Variants in RP1 observed in about 807,000 individuals in gnomAD.
RP1 encodes the protein oxygen-regulated protein 1.
RP1 carries 16 observed loss-of-function variants against 14.8 expected under a neutral mutation model. That is an observed-to-expected ratio of 1.08 (90% CI 0.73 to 1.65). RP1 has a LOEUF of 1.65. Ranked by LOEUF, RP1 falls within the 40% of genes most tolerant of loss-of-function variation. The probability of loss-of-function intolerance (pLI) is 0.00; values close to 1 mark genes in which losing one functional copy is unlikely to be tolerated. For missense variants in RP1, 2,631 were observed against 2,535.0 expected (o/e 1.04, Z -0.81); for synonymous variants, 876 against 883.6 (o/e 0.99, Z 0.15).
chr8:54,805,782 C>G (rs1018600144), intron 24 of RP1, among the ~76,000 whole-genome samples: 1 of 151,768 alleles, frequency 6.6e-6, no homozygotes, highest in African/African-American at 2.4e-5. Flanking sequence ...TGGTGATCTC[C>G]AGGCTATTAG....
chr8:54,592,739 T>C (rs577761982), intron 1 of RP1, among the ~76,000 whole-genome samples: 1 of 152,272 alleles, frequency 6.6e-6, no homozygotes, highest in East Asian at 1.9e-4. Context: ...AGGACTCTTA[T>C]CTTCCTGCTT....
At chr8:54,624,341 A>T (rs1215624039) in intron 3 of RP1, among the ~76,000 whole-genome samples, 2 of 145,816 alleles carry the variant, frequency 1.4e-5, no homozygotes, top group Admixed American at 7.0e-5. Flanking sequence ...GCTATTCGGG[A>T]TGCTGAAGCA....
chr8:54,623,873 G>T (rs948272293), intron 3 of RP1, among the ~76,000 whole-genome samples: 1 of 152,176 alleles, frequency 6.6e-6, no homozygotes, highest in African/African-American at 2.4e-5. Flanking sequence ...ATTGTTGGCT[G>T]CCTTGTTTGA....
At chr8:54,723,547 T>C (rs995692780) in intron 16 of RP1, among the ~76,000 whole-genome samples, 8 of 152,340 alleles carry the variant, frequency 5.3e-5, no homozygotes, top group Middle Eastern at 3.4e-3. Context: ...GAATTTATAT[T>C]CGCAGTGTAT....
intron 3 of RP1, among the ~76,000 whole-genome samples, chr8:54,644,602 GT>G (rs893884273): frequency 7.2e-5 from 11 of 152,120 alleles, no homozygotes; most frequent in African/African-American, 2.7e-4. Flanking sequence ...GCAAGAGGTT[GT>G]TCAGGCACAC....
intron 28 of RP1, among the ~76,000 whole-genome samples, chr8:54,868,213 A>G (rs1489515634): frequency 6.6e-6 from 1 of 152,208 alleles, no homozygotes; most frequent in Non-Finnish European, 1.5e-5. Flanking sequence ...AAAGTGACTT[A>G]TTTCTACATT....
At chr8:54,803,538 T>C (rs909889858) in intron 24 of RP1, among the ~76,000 whole-genome samples, 4 of 152,166 alleles carry the variant, frequency 2.6e-5, no homozygotes, top group Non-Finnish European at 5.9e-5. Flanking sequence ...ATCCTCCAGA[T>C]GCTATTCAGG....
rs1285725778 is a variant in RP1, at chr8:54,630,086, T to A, written c.6204T>A (p.Asn2068Lys). Reference sequence around the variant, plus strand: ...AAATCTTTAAAGCAGTCGATGAGAATAACAACTTATTAAATAACAGATTCC... The same window carrying A: ...AAATCTTTAAAGCAGTCGATGAGAAAAACAACTTATTAAATAACAGATTCC... ...TNEIFKAVDE[N>K]NNLLNNRFQG... The change falls in exon 4 of 4, where the codon AAT (asparagine) becomes AAA (lysine). Residue 2068 changes from asparagine to lysine, a missense_variant. Coordinates refer to ENST00000220676, the MANE Select transcript of RP1 (RefSeq NM_006269.2). 6.2e-7 allele frequency: 1 copy of A among 1,613,964 alleles called. No individual in the cohort carries two copies. The highest frequency in any genetic ancestry group is 1.1e-5 in the South Asian group (1 of 91,072).
intron 25 of RP1, among the ~76,000 whole-genome samples, chr8:54,839,148 A>G (rs555294111): frequency 2.0e-4 from 30 of 151,980 alleles, no homozygotes; most frequent in Admixed American, 1.0e-3. Flanking sequence ...TACTGGCCCT[A>G]CTTGGTCATT....
intron 14 of RP1, among the ~76,000 whole-genome samples, chr8:54,705,791 T>G (rs985628372): frequency 6.6e-6 from 1 of 151,836 alleles, no homozygotes; most frequent in African/African-American, 2.4e-5. Context: ...TTTGACAATT[T>G]TCTAGAGGAA....
chr8:54,748,910 T>C (rs1469278609), intron 19 of RP1, among the ~76,000 whole-genome samples: 1 of 152,208 alleles, frequency 6.6e-6, no homozygotes, highest in Non-Finnish European at 1.5e-5. Context: ...AGGATTTTTT[T>C]CTAAACCTTT....
At chr8:54,760,871 G>T (rs1349427934) in intron 22 of RP1, among the ~76,000 whole-genome samples, 1 of 152,086 alleles carries the variant, frequency 6.6e-6, no homozygotes, top group East Asian at 1.9e-4. Context: ...AAACTACAAA[G>T]ATTTTTTCTC....
At chr8:54,730,641 AACCAAGACACAG>A (rs1321900762) in intron 17 of RP1, among the ~76,000 whole-genome samples, 4 of 152,112 alleles carry the variant, frequency 2.6e-5, no homozygotes, top group African/African-American at 9.7e-5. Flanking sequence ...CTGATCTTTC[AACCAAGACACAG>A]ACCTTTACCT....
chr8:54,762,824 T>C (rs1809673394), intron 22 of RP1, among the ~76,000 whole-genome samples: 1 of 152,206 alleles, frequency 6.6e-6, no homozygotes, highest in Non-Finnish European at 1.5e-5. Flanking sequence ...TTCTGCTGCA[T>C]GCTCACTGTC....
chr8:54,575,620 G>A (rs1423094354), intron 1 of RP1, among the ~76,000 whole-genome samples: 1 of 152,036 alleles, frequency 6.6e-6, no homozygotes, highest in Non-Finnish European at 1.5e-5. Flanking sequence ...TCAAATAGTA[G>A]GTCTTTTTAA....
chr8:54,624,169 T>C (rs1585560678), intron 3 of RP1, among the ~76,000 whole-genome samples: 1 of 151,996 alleles, frequency 6.6e-6, no homozygotes, highest in Middle Eastern at 3.4e-3. Context: ...AGGCTGAGCG[T>C]GGTGGCTCAA....
intron 25 of RP1, among the ~76,000 whole-genome samples, chr8:54,851,925 A>G (rs188747366): frequency 1.3e-5 from 2 of 152,338 alleles, no homozygotes; most frequent in African/African-American, 4.8e-5. Flanking sequence ...AAAAGTACTC[A>G]TTGTATCCCA....
At chr8:54,809,970 G>A (rs1487613587) in intron 24 of RP1, among the ~76,000 whole-genome samples, 1 of 152,186 alleles carries the variant, frequency 6.6e-6, no homozygotes, top group Non-Finnish European at 1.5e-5. Flanking sequence ...ATCTGAAAGT[G>A]AAATGCACTG....
exon 6 of RP1, chr8:54,656,088 G>C (rs950798507): frequency 2.0e-6 from 3 of 1,527,254 alleles, no homozygotes; most frequent in Non-Finnish European, 2.6e-6. Flanking sequence ...TATAGATACA[G>C]CTGCATAATA....
Sources: gnomAD v4.1 joint callset for allele counts (sites outside exome capture counted in the v4.1 genomes callset) on GRCh38, gnomAD v4.1.1 for gene constraint, MANE v1.5 for transcripts, NCBI Gene and HGNC (gene_info 2026-07-23, HGNC 2026-07-21) for gene names.